The following RPS6KA2 variants were observed in gnomAD, a reference collection of about 807,000 sequenced individuals.
RPS6KA2 encodes the protein ribosomal protein S6 kinase alpha-2.
RPS6KA2 carries 42 observed loss-of-function variants against 91.8 expected under a neutral mutation model. The ratio of observed to expected loss-of-function variants is 0.46; its 90% CI spans 0.36 to 0.59. The LOEUF is 0.59. Ranked by LOEUF, RPS6KA2 falls within the 20% of genes least tolerant of loss-of-function variation. The pLI, the probability that RPS6KA2 is intolerant of heterozygous loss-of-function variation, is 0.00. For synonymous variants in RPS6KA2, 414 were observed against 393.6 expected (o/e 1.05, Z -0.61); for missense variants, 798 against 978.5 (o/e 0.82, Z 2.46).
At chr6:166,588,363 G>A (rs1161668645) in intron 1 of RPS6KA2, among the ~76,000 whole-genome samples, 2 of 129,028 alleles carry the variant, frequency 1.6e-5, no homozygotes, top group Non-Finnish European at 3.2e-5. Context: ...TGCAGGGGTG[G>A]CTTTCTGCAG....
chr6:166,844,012 T>TAAA (rs3046210), intron 2 of RPS6KA2, among the ~76,000 whole-genome samples: 2 of 148,510 alleles, frequency 1.3e-5, no homozygotes, highest in African/African-American at 5.0e-5. Flanking sequence ...CTTAAAGAAA[T>TAAA]AAAAAAAAAC....
chr6:166,481,266 A>C (rs925113606), intron 10 of RPS6KA2, among the ~76,000 whole-genome samples: 1 of 152,274 alleles, frequency 6.6e-6, no homozygotes, highest in African/African-American at 2.4e-5. Context: ...AAGCCTTTTC[A>C]ATTTTTAATT....
chr6:166,530,795 C>T (rs1178148966), intron 3 of RPS6KA2, among the ~76,000 whole-genome samples: 2 of 152,342 alleles, frequency 1.3e-5, no homozygotes, highest in African/African-American at 4.8e-5. Flanking sequence ...GGGCAGAAAT[C>T]GGTATTTCTA....
In RPS6KA2 at chr6:166,533,196, T is replaced by C. The variant is rs2128492538; in HGVS notation, c.217-1883A>G. Among the ~76,000 whole-genome samples, 1 of 152,380 alleles carries C rather than the reference T, an allele frequency of 6.6e-6. No homozygotes were observed. The highest frequency in any genetic ancestry group is 2.4e-5 in the African/African-American group (1 of 41,592). ...TGCTTTGAATCACGGGAAAGTCACA[T>C]GCCATGCACAGTTTTAGCTTCCATC... On this transcript the variant is annotated intron_variant, in intron 2 of 20. Coordinates refer to ENST00000265678, the MANE Select transcript of RPS6KA2 (RefSeq NM_021135.6). The surrounding 1 kb of genome is among the most constrained non-coding windows in gnomAD (Gnocchi z 4.0).
intron 1 of RPS6KA2, among the ~76,000 whole-genome samples, chr6:166,562,831 C>T (rs1784382342): frequency 6.6e-6 from 1 of 152,194 alleles, no homozygotes; most frequent in Non-Finnish European, 1.5e-5. Flanking sequence ...GGGCTGGGGG[C>T]TTTGCAGACG....
chr6:166,670,202 A>G (rs6921577), intron 2 of RPS6KA2, among the ~76,000 whole-genome samples: 72,273 of 152,180 alleles, frequency 0.47, 17,632 homozygotes, highest in African/African-American at 0.58. Context: ...GTGGAAAATC[A>G]CACTCATCCT....
At chr6:166,461,625 G>T (rs539134480) in intron 11 of RPS6KA2, among the ~76,000 whole-genome samples, 2 of 151,890 alleles carry the variant, frequency 1.3e-5, no homozygotes, top group East Asian at 1.9e-4. Context: ...GAGAGAGCAC[G>T]CACTAGCTCG....
chr6:166,432,340 G>T, intron 15 of RPS6KA2, 61 bp downstream of exon 15: 1 of 1,133,540 alleles, frequency 8.8e-7, no homozygotes, highest in Non-Finnish European at 1.3e-6. Flanking sequence ...GTGAATGGGA[G>T]TTTTGTGTCA....
intron 2 of RPS6KA2, among the ~76,000 whole-genome samples, chr6:166,731,661 G>A (rs1253300157): frequency 6.6e-6 from 1 of 151,946 alleles, no homozygotes; most frequent in Non-Finnish European, 1.5e-5. Context: ...TCCTCAGGAG[G>A]TAAATGACCC....
chr6:166,759,488 G>A (rs962418801), intron 2 of RPS6KA2, among the ~76,000 whole-genome samples: 2 of 152,076 alleles, frequency 1.3e-5, no homozygotes, highest in Admixed American at 1.3e-4. Flanking sequence ...ATAATAACAC[G>A]GGGAGATTAA....
chr6:166,518,714 C>T (rs566735545), intron 3 of RPS6KA2, among the ~76,000 whole-genome samples: 3 of 152,306 alleles, frequency 2.0e-5, no homozygotes, highest in South Asian at 4.1e-4. Flanking sequence ...CAGGGCAGGG[C>T]TATATTACTG....
chr6:166,726,778 C>T lies in RPS6KA2; in HGVS notation c.123+131422G>A, dbSNP rs1790351223. On this transcript the variant is annotated intron_variant, in intron 2 of 21. Transcript: ENST00000503859. The surrounding 1 kb of genome is among the most constrained non-coding windows in gnomAD (Gnocchi z 4.4). The stretch of plus-strand genomic sequence containing the variant: ...GTCAAAGCTTTAAAACTGAACACGG[C>T]AACAACTCTAGGTGAGGAGTGTTTG... Among the ~76,000 whole-genome samples, 2 of 152,184 alleles carry T rather than the reference C, an allele frequency of 1.3e-5. No individual in the cohort carries two copies. The highest frequency in any genetic ancestry group is 4.1e-4 in the South Asian group (2 of 4,828).
intron 3 of RPS6KA2, among the ~76,000 whole-genome samples, chr6:166,515,868 G>C (rs1043200909): frequency 5.3e-5 from 8 of 152,170 alleles, no homozygotes; most frequent in African/African-American, 1.9e-4. Context: ...GCCTCCTTTG[G>C]AGAGGCTAGT....
intron 3 of RPS6KA2, among the ~76,000 whole-genome samples, chr6:166,515,863 C>T (rs1452663377): frequency 6.6e-6 from 1 of 152,186 alleles, no homozygotes; most frequent in East Asian, 1.9e-4. Context: ...TGATTGCCTC[C>T]TTTGGAGAGG....
chr6:166,775,978 C>A (rs1408924424), intron 2 of RPS6KA2, among the ~76,000 whole-genome samples: 1 of 152,158 alleles, frequency 6.6e-6, no homozygotes, highest in Non-Finnish European at 1.5e-5. Flanking sequence ...TGAGGGCGGG[C>A]ATTGCTGGCT....
At chr6:166,474,859 G>A (rs1668713718) in intron 10 of RPS6KA2, among the ~76,000 whole-genome samples, 1 of 152,170 alleles carries the variant, frequency 6.6e-6, no homozygotes, top group Non-Finnish European at 1.5e-5. Flanking sequence ...TCAGCCGGGA[G>A]CAGCGCCAAG....
chr6:166,413,759 C>G, intron 20 of RPS6KA2, 35 bp downstream of exon 20: 1 of 1,608,048 alleles, frequency 6.2e-7, no homozygotes, highest in East Asian at 2.2e-5. Flanking sequence ...GTTTCCCATT[C>G]CCACCACTCT....
At chr6:166,627,784 A>C (rs1395675579), upstream of RPS6KA2, 1 of 152,158 alleles carries the variant, frequency 6.6e-6, no homozygotes, top group African/African-American at 2.4e-5. Flanking sequence ...TTCCTTCCTT[A>C]AAACATCCCT....
chr6:166,502,326 G>T (rs936209117), intron 6 of RPS6KA2, among the ~76,000 whole-genome samples: 1 of 152,222 alleles, frequency 6.6e-6, no homozygotes, highest in African/African-American at 2.4e-5. Context: ...AATTTATAAT[G>T]AACAAGGCAA....
Sources: allele counts gnomAD v4.1 joint callset (sites outside exome capture counted in the v4.1 genomes callset), GRCh38; gene constraint gnomAD v4.1.1; non-coding constraint Gnocchi (gnomAD v3.1); transcripts MANE v1.5; gene names NCBI Gene and HGNC (gene_info 2026-07-23, HGNC 2026-07-21).